Variants in VWDE observed in about 807,000 individuals in gnomAD.
VWDE encodes von Willebrand factor D and EGF domains, also known as von Willebrand factor D and EGF domain-containing protein.
A neutral mutation model predicts 178.4 loss-of-function variants in VWDE; 207 were observed. That is an observed-to-expected ratio of 1.16 (90% CI 1.04 to 1.30). VWDE has a LOEUF of 1.30. Ranked by LOEUF, VWDE falls within the 50% of genes most tolerant of loss-of-function variation. The probability of loss-of-function intolerance (pLI) is 0.00; values close to 1 mark genes in which losing one functional copy is unlikely to be tolerated. For missense variants in VWDE, 2,287 were observed against 1,901.3 expected, an observed-to-expected ratio of 1.20 and a Z score of -3.77; for synonymous variants, 738 against 651.4, an observed-to-expected ratio of 1.13 and a Z score of -2.02.
intron 12 of VWDE, 38 bp downstream of exon 12, chr7:12,369,507 A>T (rs753460857): frequency 3.0e-5 from 44 of 1,475,602 alleles, no homozygotes; most frequent in Middle Eastern, 3.7e-4. Flanking sequence ...ATAATGAAAT[A>T]TCACATGCAA....
At chr7:12,401,173 C>A (rs972010498) in intron 1 of VWDE, among the ~76,000 whole-genome samples, 3 of 152,068 alleles carry the variant, frequency 2.0e-5, no homozygotes, top group African/African-American at 7.2e-5. Flanking sequence ...CTACTCTCAC[C>A]TTTTCAATGC....
intron 13 of VWDE, among the ~76,000 whole-genome samples, chr7:12,366,395 G>A (rs774148311): frequency 1.3e-5 from 2 of 151,834 alleles, no homozygotes; most frequent in African/African-American, 4.8e-5. Context: ...TACAAAATTC[G>A]CTCCTGGCAC....
chr7:12,391,584 GC>G (rs551103252), intron 2 of VWDE, among the ~76,000 whole-genome samples: 42 of 152,246 alleles, frequency 2.8e-4, no homozygotes, highest in African/African-American at 9.4e-4. Flanking sequence ...ATTTTCTCAA[GC>G]TTTTCTTTTA....
chr7:12,337,650 C>G (rs555703326), intron 24 of VWDE, among the ~76,000 whole-genome samples: 1 of 152,124 alleles, frequency 6.6e-6, no homozygotes, highest in African/African-American at 2.4e-5. Context: ...GGAAATTAGA[C>G]AAATCTCAAC....
chr7:12,372,891 A>G (rs1371689241), intron 10 of VWDE, 86 bp downstream of exon 10: 1 of 1,324,436 alleles, frequency 7.6e-7, no homozygotes, highest in Non-Finnish European at 1.0e-6. Flanking sequence ...CTAATGTTGA[A>G]AAATGATAGC....
intron 19 of VWDE, among the ~76,000 whole-genome samples, chr7:12,345,769 C>G (rs1020365546): frequency 6.6e-6 from 1 of 152,108 alleles, no homozygotes; most frequent in African/African-American, 2.4e-5. Flanking sequence ...AGACTACGAT[C>G]CACATGTTCA....
Position 12,351,431 on chromosome 7 carries a change from G to T in VWDE, c.3886+142C>A, listed in dbSNP as rs540501621. On this transcript the variant is annotated intron_variant, in intron 19 of 28. Transcript: ENST00000275358. ...TGATTGAATAGATTAGCAAGAGAAAGGATAAATTTTAAACCGCATCATATA... is the reference window on the plus strand; with the variant it reads ...TGATTGAATAGATTAGCAAGAGAAATGATAAATTTTAAACCGCATCATATA... The T allele has an allele frequency of 1.7e-5, 14 of 845,364 alleles. No homozygotes were observed. In the South Asian group the frequency reaches 3.2e-4, roughly 19 times the overall value. The allele number at this position is 845,364 out of a possible 1,614,324, so 52.4% of individuals were successfully genotyped here.
chr7:12,361,630 T>A, intron 13 of VWDE, 109 bp from the exon 14 acceptor site: 2 of 1,019,280 alleles, frequency 2.0e-6, no homozygotes, highest in South Asian at 4.7e-5. Context: ...CCTAGTATAA[T>A]GTAATATATA....
At chr7:12,386,422 G>A (rs1378978424) in intron 3 of VWDE, among the ~76,000 whole-genome samples, 3 of 152,104 alleles carry the variant, frequency 2.0e-5, no homozygotes, top group African/African-American at 7.2e-5. Flanking sequence ...CACTCCCTCA[G>A]GATAATTCTC....
chr7:12,372,973 A>G lies in VWDE; in HGVS notation c.1587+4T>C, dbSNP rs1350124375. On this transcript the variant is annotated splice_donor_region_variant and intron_variant, in intron 10 of 28. Transcript: ENST00000275358. ...TACTTTCAATGTTAAAGAATCATAC[A>G]TACTGTGACTTTTCTTCCTAAGTAA... is the stretch of plus-strand genomic sequence containing the variant. 7 of 1,550,396 alleles carry G rather than the reference A, an allele frequency of 4.5e-6. No individual in the cohort carries two copies. Among genetic ancestry groups the G allele is most frequent in the African/African-American group, 1.4e-5 (1 of 73,004 alleles).
At chr7:12,403,513 G>C (rs539037063) in intron 1 of VWDE, 146 bp downstream of exon 1, 6 of 692,904 alleles carry the variant, frequency 8.7e-6, no homozygotes, top group South Asian at 4.3e-5. Flanking sequence ...GAGGGACAGA[G>C]AGGAGGCGGG....
rs190952469 is a variant in VWDE at position 12,366,298 on chromosome 7, G to A, written c.2898+1059C>T. On this transcript the variant is annotated intron_variant, in intron 13 of 28. Coordinates refer to ENST00000275358, the MANE Select transcript of VWDE (RefSeq NM_001135924.3). ...CTCTGTATTTATCAGAAGTTTGCAG[G>A]AAGTGGCAGGTAGTATGAGAGTAAA... is the stretch of plus-strand genomic sequence containing the variant. 2.0e-4 allele frequency among the ~76,000 whole-genome samples: 30 copies of A among 152,198 alleles called. 1 individual carries two copies.
intron 28 of VWDE, among the ~76,000 whole-genome samples, chr7:12,332,724 T>G (rs892449112): frequency 6.6e-6 from 1 of 152,176 alleles, no homozygotes; most frequent in African/African-American, 2.4e-5. Flanking sequence ...GGGCCAATCC[T>G]ACAGGATGAC....
chr7:12,354,289 C>A, intron 18 of VWDE: 1 of 367,592 alleles, frequency 2.7e-6, no homozygotes, highest in Admixed American at 3.8e-5. Flanking sequence ...AGAAACTATG[C>A]TATTAAAAAA....
At chr7:12,338,029 TAAATA>T (rs1247348779) in intron 24 of VWDE, among the ~76,000 whole-genome samples, 1 of 152,070 alleles carries the variant, frequency 6.6e-6, no homozygotes, top group African/African-American at 2.4e-5. Context: ...AAATAATAAT[TAAATA>T]AATGTTAGTT....
chr7:12,357,516 C>G lies in VWDE; in HGVS notation c.3275-1G>C. ...GCTTGAATCACTGGGGGCTGGTTGT[C>G]TGTAATAGAGAAAACACTTAACTTT... On this transcript the variant is annotated splice_acceptor_variant, in intron 16 of 28. Coordinates refer to ENST00000275358, the MANE Select transcript of VWDE (RefSeq NM_001135924.3). LOFTEE classifies it high-confidence loss of function. 2.6e-6 allele frequency: 4 copies of G among 1,551,972 alleles called. No homozygotes were observed. The highest frequency in any genetic ancestry group is 3.5e-6 in the Non-Finnish European group (4 of 1,147,052).
At chr7:12,378,858 C>T (rs917705706) in intron 6 of VWDE, among the ~76,000 whole-genome samples, 3 of 152,128 alleles carry the variant, frequency 2.0e-5, no homozygotes, top group Non-Finnish European at 4.4e-5. Flanking sequence ...TGTCCTTGAA[C>T]GAGAAATGAA....
At chr7:12,358,380 T>A (rs71529344) in intron 16 of VWDE, among the ~76,000 whole-genome samples, 134,258 of 149,750 alleles carry the variant, frequency 0.9, 60,457 homozygotes, top group African/African-American at 0.97. Flanking sequence ...TCTCAAAAAA[T>A]AAAAGGTGGG....
At chr7:12,380,070 C>G (rs1783759784) in intron 5 of VWDE, among the ~76,000 whole-genome samples, 1 of 151,366 alleles carries the variant, frequency 6.6e-6, no homozygotes, top group African/African-American at 2.4e-5. Flanking sequence ...CGCCACTGCA[C>G]TCCAGCCTGG....
Sources: gnomAD v4.1 joint callset for allele counts (sites outside exome capture counted in the v4.1 genomes callset) on GRCh38, gnomAD v4.1.1 for gene constraint, MANE v1.5 for transcripts, NCBI Gene and HGNC (gene_info 2026-07-23, HGNC 2026-07-21) for gene names.